The following KCNMB4 variants were observed in gnomAD, a reference collection of about 807,000 sequenced individuals.
The protein encoded by KCNMB4 is potassium calcium-activated channel subfamily M regulatory beta subunit 4, also known as calcium-activated potassium channel subunit beta-4.
KCNMB4 carries 3 observed loss-of-function variants against 20.7 expected under a neutral mutation model. That is an observed-to-expected ratio of 0.14 (90% CI 0.07 to 0.37). The LOEUF is 0.37. Among genes scored for constraint, KCNMB4 ranks in the 10% least tolerant of loss-of-function variants. KCNMB4 has a pLI of 1.00. For missense variants in KCNMB4, 168 were observed against 265.9 expected, an observed-to-expected ratio of 0.63 and a Z score of 2.56; for synonymous variants, 110 against 113.4, an observed-to-expected ratio of 0.97 and a Z score of 0.19.
chr12:70,390,204 A>G (rs1284407949), intron 1 of KCNMB4, among the ~76,000 whole-genome samples: 1 of 152,222 alleles, frequency 6.6e-6, no homozygotes, highest in Non-Finnish European at 1.5e-5. Flanking sequence ...GAGGAAAACC[A>G]ACCCAGATTA....
chr12:70,366,652 T>G lies in KCNMB4; in HGVS notation c.-83T>G. ...CGGCGGCGGCGGTGGCGGCGGCGGC[T>G]CCTCCCGCCCGAGGCAGTCGGGCTC... On this transcript the variant is annotated 5_prime_UTR_variant, in exon 1 of 3. Transcript: ENST00000258111. The G allele has an allele frequency of 9.7e-7, 1 of 1,029,118 alleles. No individual in the cohort carries two copies. 63.7% of individuals were successfully genotyped at this position (1,029,118 alleles called of 1,614,324 possible). A position where few individuals can be genotyped will look rare whatever the true frequency, so the allele number is the denominator to read the frequency against.
chr12:70,430,725 G>A lies in KCNMB4; in HGVS notation c.*72G>A, dbSNP rs1469422114. 2 of 1,423,646 alleles carry A rather than the reference G, an allele frequency of 1.4e-6. No individual in the cohort carries two copies. Among genetic ancestry groups the A allele is most frequent in the African/African-American group, 1.5e-5 (1 of 68,030 alleles). 88.2% of individuals were successfully genotyped at this position (1,423,646 alleles called of 1,614,324 possible). A position where few individuals can be genotyped will look rare whatever the true frequency, so the allele number is the denominator to read the frequency against. On this transcript the variant is annotated 3_prime_UTR_variant, in exon 3 of 3. Coordinates refer to ENST00000258111, the MANE Select transcript of KCNMB4 (RefSeq NM_014505.6). ...CGGCACGCGTCCACCTGCGGAACCT[G>A]TGTTTCCTGGCGCAGGAGATGGACA...
chr12:70,382,709 A>T (rs1488564301), intron 1 of KCNMB4, among the ~76,000 whole-genome samples: 1 of 152,218 alleles, frequency 6.6e-6, no homozygotes, highest in Non-Finnish European at 1.5e-5. Context: ...ATGATTAAAA[A>T]GTCAACATAT....
chr12:70,383,095 C>T (rs542077598), intron 1 of KCNMB4, among the ~76,000 whole-genome samples: 1 of 152,242 alleles, frequency 6.6e-6, no homozygotes, highest in East Asian at 1.9e-4. Flanking sequence ...CATGAGACCA[C>T]AGTCATAAAT....
At chr12:70,394,004 A>G (rs1868327561) in intron 1 of KCNMB4, among the ~76,000 whole-genome samples, 1 of 152,170 alleles carries the variant, frequency 6.6e-6, no homozygotes, top group Non-Finnish European at 1.5e-5. Flanking sequence ...GCCTTCTCTT[A>G]TACTCTGGAG....
At chr12:70,421,257 C>T (rs1869045562) in intron 2 of KCNMB4, among the ~76,000 whole-genome samples, 1 of 151,522 alleles carries the variant, frequency 6.6e-6, no homozygotes, top group Non-Finnish European at 1.5e-5. Context: ...TTTGGGAGCC[C>T]AAAGTTGGAG....
At chr12:70,392,144 G>A (rs1868305117) in intron 1 of KCNMB4, among the ~76,000 whole-genome samples, 2 of 152,078 alleles carry the variant, frequency 1.3e-5, no homozygotes, top group African/African-American at 4.8e-5. Context: ...ACACAATATA[G>A]CTACAAATAA....
intron 2 of KCNMB4, chr12:70,422,887 G>C (rs1463873046): frequency 2.7e-6 from 3 of 1,121,680 alleles, no homozygotes; most frequent in South Asian, 3.9e-5. Flanking sequence ...TACTCTGGGA[G>C]CACAGAGTGG....
chr12:70,396,656 G>T (rs983723467), intron 1 of KCNMB4, among the ~76,000 whole-genome samples: 7 of 152,152 alleles, frequency 4.6e-5, no homozygotes, highest in Admixed American at 4.6e-4. Context: ...ATCCAAAAAT[G>T]GAAGTAATTA....
chr12:70,430,387 A>G (rs1869330980), intron 2 of KCNMB4, 98 bp from the exon 3 acceptor site: 1 of 1,248,488 alleles, frequency 8.0e-7, no homozygotes, highest in Non-Finnish European at 1.1e-6. Context: ...ACTTTCAATA[A>G]TGGTTATGGA....
In KCNMB4 at chr12:70,407,460, C is replaced by CTTTTTTTTTT. The variant is rs35371839; in HGVS notation, c.464+7140_464+7149dup. The stretch of plus-strand genomic sequence containing the variant: ...GGCTAGAGAGAGGTGGTGCTGAATT[C>CTTTTTTTTTT]TTTTTTTTTTTTTTTTTTTTTTTTT... On this transcript the variant is annotated intron_variant, in intron 2 of 2. Coordinates refer to ENST00000258111, the MANE Select transcript of KCNMB4 (RefSeq NM_014505.6). 1.7e-4 allele frequency among the ~76,000 whole-genome samples: 11 copies of CTTTTTTTTTT among 64,182 alleles called. 1 individual carries two copies. The highest frequency in any genetic ancestry group is 1.2e-3 in the East Asian group (2 of 1,646). 42.1% of individuals were successfully genotyped at this position (64,182 alleles called of 152,430 possible). A position where few individuals can be genotyped will look rare whatever the true frequency, so the allele number is the denominator to read the frequency against.
chr12:70,391,655 A>G (rs1285867053), intron 1 of KCNMB4, among the ~76,000 whole-genome samples: 1 of 152,186 alleles, frequency 6.6e-6, no homozygotes, highest in Non-Finnish European at 1.5e-5. Context: ...CACAGAGAAG[A>G]ATATAGTCTG....
intron 2 of KCNMB4, among the ~76,000 whole-genome samples, chr12:70,404,325 T>C (rs1868536800): frequency 6.6e-6 from 1 of 152,102 alleles, no homozygotes; most frequent in South Asian, 2.1e-4. Context: ...GAATGTATAC[T>C]GGCTGGGAAA....
intron 2 of KCNMB4, among the ~76,000 whole-genome samples, chr12:70,405,594 A>G (rs1240382402): frequency 1.3e-5 from 2 of 152,216 alleles, no homozygotes; most frequent in Non-Finnish European, 2.9e-5. Flanking sequence ...TCAAAAAATT[A>G]AAAGTAGAAC....
chr12:70,378,210 C>T (rs111852795), intron 1 of KCNMB4, among the ~76,000 whole-genome samples: 2,334 of 152,106 alleles, frequency 0.015, 64 homozygotes, highest in African/African-American at 0.053. Context: ...CCTGCCTTGG[C>T]CTCCCAAAGT....
chr12:70,400,541 A>G (rs1489159030), intron 2 of KCNMB4, among the ~76,000 whole-genome samples: 1 of 152,238 alleles, frequency 6.6e-6, no homozygotes. Flanking sequence ...ATATACTACA[A>G]AATGATAGTG....
chr12:70,431,404 T>C lies in KCNMB4; in HGVS notation c.*751T>C, dbSNP rs1359011152. 6.6e-6 allele frequency: 1 copy of C among 152,212 alleles called. No homozygotes were observed. The highest frequency in any genetic ancestry group is 2.4e-5 in the African/African-American group (1 of 41,450). The allele number at this position is 152,212 out of a possible 1,614,324, so 9.4% of individuals were successfully genotyped here. A position where few individuals can be genotyped will look rare whatever the true frequency, so the allele number is the denominator to read the frequency against. ...TCTCAAAAAGCACTGGGCTTCCTTA[T>C]TCATCTGTTCTTGTTGTTTTTGACG... is the stretch of plus-strand genomic sequence containing the variant. On this transcript the variant is annotated 3_prime_UTR_variant, in exon 3 of 3. Transcript: ENST00000258111.
chr12:70,368,512 C>T (rs1883534898), intron 1 of KCNMB4, among the ~76,000 whole-genome samples: 1 of 151,882 alleles, frequency 6.6e-6, no homozygotes, highest in Non-Finnish European at 1.5e-5. Flanking sequence ...GAGGTGATAA[C>T]GTCTCAAAGA....
intron 1 of KCNMB4, among the ~76,000 whole-genome samples, chr12:70,383,019 C>A (rs1464968366): frequency 6.6e-6 from 1 of 152,066 alleles, no homozygotes; most frequent in South Asian, 2.1e-4. Flanking sequence ...GCAGTTGTAG[C>A]AGAATGGTAA....
Sources: gnomAD v4.1 joint callset for allele counts (sites outside exome capture counted in the v4.1 genomes callset) on GRCh38, gnomAD v4.1.1 for gene constraint, MANE v1.5 for transcripts, NCBI Gene and HGNC (gene_info 2026-07-23, HGNC 2026-07-21) for gene names.